Variants in TELO2 observed in about 807,000 individuals in gnomAD.
TELO2 encodes telomere length regulation protein TEL2 homolog.
Under a neutral mutation model 91.0 loss-of-function variants are expected in TELO2, and 71 were observed. The observed-to-expected ratio is 0.78, with a 90% CI of 0.64 to 0.95. The LOEUF (loss-of-function observed/expected upper bound fraction) is 0.95. TELO2 is among the 40% of genes least tolerant of loss of function. The probability of loss-of-function intolerance (pLI) is 0.00; values close to 1 mark genes in which losing one functional copy is unlikely to be tolerated. For synonymous variants in TELO2, 584 were observed against 518.9 expected, an observed-to-expected ratio of 1.13 and a Z score of -1.71; for missense variants, 1,183 against 1,141.3, an observed-to-expected ratio of 1.04 and a Z score of -0.53.
intron 3 of TELO2, among the ~76,000 whole-genome samples, 163 bp from the exon 4 acceptor site, chr16:1,496,873 C>G (rs919254678): frequency 2.0e-5 from 3 of 152,240 alleles, no homozygotes; most frequent in Non-Finnish European, 4.4e-5. Context: ...TCCACGCACT[C>G]CTGTTCAGAT....
intron 3 of TELO2, among the ~76,000 whole-genome samples, chr16:1,496,453 T>C (rs2039496066): frequency 6.6e-6 from 1 of 152,238 alleles, no homozygotes; most frequent in Admixed American, 6.5e-5. Context: ...TGGGCCCATG[T>C]ATTAAGGAGG....
chr16:1,506,104 G>A (rs2039883083), intron 16 of TELO2, 134 bp from the exon 17 acceptor site: 1 of 951,336 alleles, frequency 1.1e-6, no homozygotes, highest in Non-Finnish European at 1.6e-6. Flanking sequence ...GAGCTGGGCG[G>A]GGCCGGAAGA....
At chr16:1,496,392 C>G (rs914380985) in intron 3 of TELO2, among the ~76,000 whole-genome samples, 1 of 152,234 alleles carries the variant, frequency 6.6e-6, no homozygotes, top group African/African-American at 2.4e-5. Flanking sequence ...CCTCCTGAGC[C>G]CCTCCTGTCT....
Position 1,510,161 on chromosome 16 carries a change from G to T in TELO2, c.*225G>T. The T allele has an allele frequency of 1.8e-6, 1 of 548,358 alleles. No individual in the cohort carries two copies. The highest frequency in any genetic ancestry group is 2.0e-5 in the South Asian group (1 of 49,508). 34.0% of individuals were successfully genotyped at this position (548,358 alleles called of 1,614,324 possible). On this transcript the variant is annotated 3_prime_UTR_variant, in exon 21 of 21. Coordinates refer to ENST00000262319, the MANE Select transcript of TELO2 (RefSeq NM_016111.4). ...CTGCCCGCCGGGACATGGCAGCCTG[G>T]ACGTGGGGCTGGGGCTGTGGGCGCT...
At chr16:1,496,221 G>A (rs567480474) in intron 3 of TELO2, among the ~76,000 whole-genome samples, 6 of 152,292 alleles carry the variant, frequency 3.9e-5, no homozygotes, top group East Asian at 3.9e-4. Context: ...ATGCTGCCCC[G>A]ACCTCGTTCT....
chr16:1,497,417 C>G lies in TELO2; in HGVS notation c.739C>G (p.Leu247Val). 1 of 1,554,786 alleles carries G rather than the reference C, an allele frequency of 6.4e-7. No homozygotes were observed. Among genetic ancestry groups the G allele is most frequent in the Non-Finnish European group, 8.7e-7 (1 of 1,149,682 alleles). Reference sequence around the variant, plus strand: ...GGCAGCGCTCACCCAGGGCAGCTACCTGCACCAGCGCGTCTGCTGGCGCCT... The same window carrying G: ...GGCAGCGCTCACCCAGGGCAGCTACGTGCACCAGCGCGTCTGCTGGCGCCT... ...RLAALTQGSY[L>V]HQRVCWRLVE... Residue 247 changes from leucine (L) to valine (V), a missense_variant, in exon 5 of 21, where the codon CTG (leucine) becomes GTG (valine). By Grantham distance (32) the Leu-to-Val change is conservative. Transcript: ENST00000262319. The surrounding 1 kb of genome is among the most constrained non-coding windows in gnomAD (Gnocchi z 4.0).
chr16:1,501,932 G>A (rs1472364364), intron 11 of TELO2, 115 bp from the exon 12 acceptor site: 16 of 1,498,722 alleles, frequency 1.1e-5, no homozygotes, highest in Non-Finnish European at 1.4e-5. Context: ...CACCGTAGGC[G>A]CAGGGGCCGA....
chr16:1,495,334 C>G lies in TELO2; in HGVS notation c.336-12C>G. The G allele has an allele frequency of 6.5e-7, 1 of 1,534,014 alleles. No homozygotes were observed. The highest frequency in any genetic ancestry group is 8.8e-7 in the Non-Finnish European group (1 of 1,135,406). ...GGGTTGGCGGCTCTGCCCAACACGC[C>G]CGTATCTTCAGCCCCAGCTTCCGGC... On this transcript the variant is annotated splice_polypyrimidine_tract_variant and intron_variant, in intron 2 of 20. Transcript: ENST00000262319.
chr16:1,495,074 G>A (rs1178583202), intron 2 of TELO2, among the ~76,000 whole-genome samples: 2 of 152,240 alleles, frequency 1.3e-5, no homozygotes, highest in African/African-American at 4.8e-5. Flanking sequence ...ATCAAAGCAA[G>A]CACTGAGTTA....
intron 20 of TELO2, 95 bp downstream of exon 20, chr16:1,507,811 GGTGTGTGT>G (rs143327685): frequency 1.6e-5 from 14 of 879,796 alleles, no homozygotes; most frequent in Middle Eastern, 3.5e-4. Context: ...GTCGGCCCGG[GGTGTGTGT>G]GTGTGTGTGT....
intron 3 of TELO2, among the ~76,000 whole-genome samples, chr16:1,496,496 G>A (rs993957300): frequency 3.9e-5 from 6 of 152,254 alleles, no homozygotes; most frequent in Non-Finnish European, 8.8e-5. Flanking sequence ...TGTGGAATGC[G>A]GCTTTTTCAC....
rs553028990 is a variant in TELO2 at position 1,506,390 on chromosome 16, T to C, written c.2126+61T>C. ...GACAGGGACCCTGGACGTACCACTG[T>C]GGCCAAGAAGTTCGGGCTGGGATCT... On this transcript the variant is annotated intron_variant, in intron 17 of 20. Transcript: ENST00000262319. 1,275 of 1,612,288 alleles carry C rather than the reference T, an allele frequency of 7.9e-4. 12 individuals are homozygous for C. Among genetic ancestry groups the C allele is most frequent in the Middle Eastern group, 6.3e-3 (38 of 6,054 alleles).
chr16:1,500,236 G>T, intron 7 of TELO2, 72 bp downstream of exon 7: 1 of 1,534,246 alleles, frequency 6.5e-7, no homozygotes, highest in South Asian at 1.2e-5. Context: ...CCTTTTGGGC[G>T]GCAGGGTGAG....
Position 1,494,701 on chromosome 16 carries a change from T to A in TELO2, c.335+85T>A. Reference sequence around the variant, plus strand: ...TGAAGGACTGGACCAAGAGCCTCTCTAGTCCCTGTGAGGGGCTAGAGAGAG... The same window carrying A: ...TGAAGGACTGGACCAAGAGCCTCTCAAGTCCCTGTGAGGGGCTAGAGAGAG... On this transcript the variant is annotated intron_variant, in intron 2 of 20. Transcript: ENST00000262319. This position sits in a 1 kb window ranked among gnomAD's most constrained non-coding sequence, Gnocchi z 5.6. 1 of 1,381,188 alleles carries A rather than the reference T, an allele frequency of 7.2e-7. No individual in the cohort carries two copies. Among genetic ancestry groups the A allele is most frequent in the Non-Finnish European group, 9.7e-7 (1 of 1,026,728 alleles). 85.6% of individuals were successfully genotyped at this position (1,381,188 alleles called of 1,614,324 possible).
rs776407188 is a variant in TELO2 at position 1,494,346 on chromosome 16, C to T, written c.65C>T (p.Ser22Leu). ...GAAGCCATTCATGCCCTCTCGTCTT[C>T]GGAGGATGGCGGCCACATCTTCTGC... ...VREAIHALSS[S>L]EDGGHIFCTL... is the part of the protein sequence containing the mutation. Residue 22 changes from serine to leucine, a missense_variant, in exon 2 of 21, where the codon TCG becomes TTG. Physicochemically the swap from Ser to Leu is moderately radical, Grantham distance 145. Coordinates refer to ENST00000262319, the MANE Select transcript of TELO2 (RefSeq NM_016111.4). The surrounding 1 kb of genome is among the most constrained non-coding windows in gnomAD (Gnocchi z 5.6). The T allele has an allele frequency of 3.1e-6, 5 of 1,613,506 alleles. No individual in the cohort carries two copies. In the South Asian group the frequency reaches 5.5e-5, roughly 18 times the overall value.
chr16:1,509,601 G>A (rs1237368112), intron 20 of TELO2, among the ~76,000 whole-genome samples: 2 of 152,266 alleles, frequency 1.3e-5, no homozygotes, highest in African/African-American at 4.8e-5. Flanking sequence ...TCCCATGGCT[G>A]CCTGTCCCGC....
At position 1,494,733 on chromosome 16, in the gene TELO2, C is replaced by T. The variant is rs1326416262; in HGVS notation, c.335+117C>T. The T allele has an allele frequency of 3.5e-6, 4 of 1,141,250 alleles. No homozygotes were observed. In the South Asian group the frequency reaches 4.8e-5, roughly 14 times the overall value. The allele number at this position is 1,141,250 out of a possible 1,614,324, so 70.7% of individuals were successfully genotyped here. A position where few individuals can be genotyped will look rare whatever the true frequency, so the allele number is the denominator to read the frequency against. ...TGTGAGGGGCTAGAGAGAGAGCCTGCTCCTGGCTGAACCCCTGAACAGAAG... is the reference window on the plus strand; with the variant it reads ...TGTGAGGGGCTAGAGAGAGAGCCTGTTCCTGGCTGAACCCCTGAACAGAAG... On this transcript the variant is annotated intron_variant, in intron 2 of 20. Coordinates refer to ENST00000262319, the MANE Select transcript of TELO2 (RefSeq NM_016111.4). The surrounding 1 kb of genome is among the most constrained non-coding windows in gnomAD (Gnocchi z 5.6).
chr16:1,497,496 A>G lies in TELO2; in HGVS notation c.818A>G (p.Glu273Gly). 1 of 1,568,368 alleles carries G rather than the reference A, an allele frequency of 6.4e-7. No homozygotes were observed. Among genetic ancestry groups the G allele is most frequent in the African/African-American group, 1.4e-5 (1 of 73,862 alleles). ...GAGGCTGTGCTGACCGGGCTGGTGG[A>G]GGCCGCACTGGGGTAAGCAGCCAGG... Reference protein sequence around the residue: ...AMEAVLTGLVEAALGPEVLSR... With the variant: ...AMEAVLTGLVGAALGPEVLSR... Residue 273 changes from glutamate (E) to glycine (G), a missense_variant, in exon 5 of 21, where the codon GAG becomes GGG. Physicochemically the swap from Glu to Gly is moderately conservative, Grantham distance 98. Coordinates refer to ENST00000262319, the MANE Select transcript of TELO2 (RefSeq NM_016111.4). The surrounding 1 kb of genome is among the most constrained non-coding windows in gnomAD (Gnocchi z 4.0).
rs2039551299 is a variant in TELO2, at chr16:1,497,910, C to T, written c.830+402C>T. ...CATTTCTGGAAGCAGGACTGCCGGC[C>T]ATTTACCCCCACAAACCCTGCCAGC... On this transcript the variant is annotated intron_variant, in intron 5 of 20. Coordinates refer to ENST00000262319, the MANE Select transcript of TELO2 (RefSeq NM_016111.4). The surrounding 1 kb of genome is among the most constrained non-coding windows in gnomAD (Gnocchi z 4.0). 6.6e-6 allele frequency among the ~76,000 whole-genome samples: 1 copy of T among 152,100 alleles called. No individual in the cohort carries two copies.
Sources: allele counts gnomAD v4.1 joint callset (sites outside exome capture counted in the v4.1 genomes callset), GRCh38; gene constraint gnomAD v4.1.1; non-coding constraint Gnocchi (gnomAD v3.1); transcripts MANE v1.5; gene names NCBI Gene and HGNC (gene_info 2026-07-23, HGNC 2026-07-21).